KIF16B: variants seen among roughly 807,000 people sequenced by gnomAD.
The protein encoded by KIF16B is kinesin family member 16B.
In KIF16B, 98 loss-of-function variants were observed where a neutral mutation model predicts 156.3. The ratio of observed to expected loss-of-function variants is 0.63; its 90% CI spans 0.53 to 0.74. The LOEUF (loss-of-function observed/expected upper bound fraction) is 0.74. Among genes scored for constraint, KIF16B ranks in the 30% least tolerant of loss-of-function variants. KIF16B has a pLI of 0.00. For missense variants in KIF16B, 1,421 were observed against 1,606.5 expected (o/e 0.88, Z 1.97); for synonymous variants, 564 against 583.7 (o/e 0.97, Z 0.49).
chr20:16,297,500 G>A (rs1389092278), intron 25 of KIF16B, among the ~76,000 whole-genome samples: 1 of 151,984 alleles, frequency 6.6e-6, no homozygotes, highest in Non-Finnish European at 1.5e-5. Context: ...AGACCATTCT[G>A]GCTGGCTAAC....
chr20:16,358,287 T>A (rs747446718), intron 22 of KIF16B, among the ~76,000 whole-genome samples: 38 of 152,310 alleles, frequency 2.5e-4, no homozygotes, highest in Non-Finnish European at 3.8e-4. Context: ...AACTTCATGT[T>A]TTTCAGTTTT....
rs373463847 is a variant in KIF16B at position 16,350,928 on chromosome 20, C to G, written c.3621+5402G>C. 2.1e-4 allele frequency among the ~76,000 whole-genome samples: 32 copies of G among 151,762 alleles called. 1 individual carries two copies. Among genetic ancestry groups the G allele is most frequent in the African/African-American group, 7.5e-4 (31 of 41,294 alleles). ...CTGTGTCATACAAGACTGACAAGGG[C>G]CCTGGGAGCTTGTACCCACAGGGGA... On this transcript the variant is annotated intron_variant, in intron 23 of 25. Transcript: ENST00000354981.
intron 23 of KIF16B, among the ~76,000 whole-genome samples, chr20:16,352,813 G>A (rs550090685): frequency 1.3e-5 from 2 of 152,310 alleles, no homozygotes; most frequent in Middle Eastern, 6.8e-3. Context: ...CCCTCCTGGG[G>A]CCCCTCAGGC....
chr20:16,295,418 T>TTATTATCTATATCTATAATAATTATTA, intron 25 of KIF16B, among the ~76,000 whole-genome samples: 1 of 151,878 alleles, frequency 6.6e-6, no homozygotes, highest in Non-Finnish European at 1.5e-5. Context: ...ATATCTATAA[T>TTATTATCTATATCTATAATAATTATTA]TGATATCTAT....
rs2069519214 is a variant in KIF16B at position 16,525,783 on chromosome 20, C to T, written c.231+309G>A. On this transcript the variant is annotated intron_variant, in intron 3 of 25. Coordinates refer to ENST00000354981, the MANE Select transcript of KIF16B (RefSeq NM_024704.5). ...TGTGCTTCGCAGCATACACATGTCT[C>T]CCCAGAAATGCTTTCTATGTAGAGC... 2.6e-5 allele frequency among the ~76,000 whole-genome samples: 4 copies of T among 152,128 alleles called. No individual in the cohort carries two copies. The South Asian group carries it at 8.3e-4, about 32-fold the overall frequency.
At chr20:16,384,076 T>A (rs916053797) in intron 17 of KIF16B, among the ~76,000 whole-genome samples, 6 of 152,326 alleles carry the variant, frequency 3.9e-5, no homozygotes, top group Non-Finnish European at 7.4e-5. Context: ...AGTTTGGTAA[T>A]GAAATCTCTG....
chr20:16,364,899 C>A (rs916510295), intron 22 of KIF16B, among the ~76,000 whole-genome samples: 6 of 152,188 alleles, frequency 3.9e-5, no homozygotes. Flanking sequence ...TGTTCCATCT[C>A]TGAGAAATCC....
At chr20:16,465,221 T>C (rs2067457440) in intron 12 of KIF16B, among the ~76,000 whole-genome samples, 2 of 152,218 alleles carry the variant, frequency 1.3e-5, no homozygotes. Context: ...TATTCTGGTG[T>C]ATTCTCTGCC....
At chr20:16,306,122 C>T (rs1396666199) in intron 25 of KIF16B, among the ~76,000 whole-genome samples, 1 of 152,172 alleles carries the variant, frequency 6.6e-6, no homozygotes, top group African/African-American at 2.4e-5. Flanking sequence ...CCTTTTAATA[C>T]CTTCTTACTG....
intron 25 of KIF16B, among the ~76,000 whole-genome samples, chr20:16,298,920 AG>A (rs1347035176): frequency 2.0e-5 from 3 of 149,812 alleles, no homozygotes; most frequent in African/African-American, 7.4e-5. Context: ...AAAAAAAAAA[AG>A]AGAGAAAAAC....
chr20:16,507,373 A>G (rs1284315503), intron 7 of KIF16B, among the ~76,000 whole-genome samples: 2 of 152,064 alleles, frequency 1.3e-5, no homozygotes, highest in African/African-American at 4.8e-5. Context: ...ATATACTTAG[A>G]CCCTGACAGG....
rs755041638 is a variant in KIF16B, at chr20:16,367,744, AG to A, written c.3498+2841del. 35 of 1,612,508 alleles carry A rather than the reference AG, an allele frequency of 2.2e-5. No individual in the cohort carries two copies. In the East Asian group the frequency reaches 7.1e-4, roughly 33 times the overall value. On this transcript the variant is annotated intron_variant, in intron 22 of 25. Transcript: ENST00000354981. ...TTTCCAATCAAGAGAAAGCTGAACC[AG>A]ATCTTGCTGGAGCAAGGGATGATTA...
intron 15 of KIF16B, among the ~76,000 whole-genome samples, chr20:16,426,583 T>C (rs1429082472): frequency 1.3e-5 from 2 of 152,150 alleles, no homozygotes; most frequent in Non-Finnish European, 2.9e-5. Context: ...TTAAAGGAAA[T>C]ACACAATGAA....
intron 10 of KIF16B, among the ~76,000 whole-genome samples, chr20:16,499,041 G>A (rs1337336034): frequency 2.6e-5 from 4 of 152,010 alleles, no homozygotes; most frequent in South Asian, 4.2e-4. Context: ...CAAGGTCCTC[G>A]TGACAGTCTA....
chr20:16,479,059 T>C (rs754896269), intron 12 of KIF16B, among the ~76,000 whole-genome samples: 1 of 152,130 alleles, frequency 6.6e-6, no homozygotes, highest in African/African-American at 2.4e-5. Flanking sequence ...GTACAATGAA[T>C]AAACTATGGT....
At chr20:16,433,363 CA>C (rs1451279334) in intron 12 of KIF16B, among the ~76,000 whole-genome samples, 1 of 152,038 alleles carries the variant, frequency 6.6e-6, no homozygotes, top group Non-Finnish European at 1.5e-5. Flanking sequence ...CCCCCACCCC[CA>C]AAAATGCAAT....
chr20:16,526,861 G>A (rs189330512), intron 2 of KIF16B, among the ~76,000 whole-genome samples: 2,527 of 152,154 alleles, frequency 0.017, 34 homozygotes, highest in South Asian at 0.026. Flanking sequence ...TGAGCACCAC[G>A]TTTTCCACAT....
chr20:16,385,609 G>C (rs1407707405), intron 17 of KIF16B, among the ~76,000 whole-genome samples: 1 of 152,228 alleles, frequency 6.6e-6, no homozygotes, highest in Non-Finnish European at 1.5e-5. Flanking sequence ...CGACAAGTAA[G>C]ATGCCTGCCT....
At chr20:16,375,650 T>C (rs2064930897) in intron 19 of KIF16B, among the ~76,000 whole-genome samples, 1 of 147,730 alleles carries the variant, frequency 6.8e-6, no homozygotes, top group Non-Finnish European at 1.5e-5. Context: ...GGCCAAATAA[T>C]TGGGGAGCAA....
Sources: gnomAD v4.1 joint callset for allele counts (sites outside exome capture counted in the v4.1 genomes callset) on GRCh38, gnomAD v4.1.1 for gene constraint, MANE v1.5 for transcripts, NCBI Gene and HGNC (gene_info 2026-07-23, HGNC 2026-07-21) for gene names.